MYH11: variants seen among roughly 807,000 people sequenced by gnomAD.
The protein encoded by MYH11 is myosin-11.
In MYH11, 80 loss-of-function variants were observed where a neutral mutation model predicts 246.6. That is an observed-to-expected ratio of 0.32 (90% CI 0.27 to 0.39). The LOEUF (loss-of-function observed/expected upper bound fraction) is 0.39. Among genes scored for constraint, MYH11 ranks in the 10% least tolerant of loss-of-function variants. The pLI, the probability that MYH11 is intolerant of heterozygous loss-of-function variation, is 1.00. For synonymous variants in MYH11, 1,071 were observed against 1,015.5 expected (o/e 1.05, Z -1.04); for missense variants, 2,158 against 2,546.8 (o/e 0.85, Z 3.29).
At chr16:15,715,393 G>C in intron 38 of MYH11, 121 bp from the exon 39 acceptor site, 2 of 836,058 alleles carry the variant, frequency 2.4e-6, no homozygotes, top group East Asian at 2.5e-5. Flanking sequence ...CTCCTCTCAA[G>C]AATCAGTCAG....
intron 15 of MYH11, among the ~76,000 whole-genome samples, chr16:15,752,374 C>T (rs1307831916): frequency 1.3e-5 from 2 of 152,026 alleles, no homozygotes; most frequent in Admixed American, 1.3e-4. Flanking sequence ...CACTGATGGC[C>T]AGGGACAAAC....
At chr16:15,832,215 A>G (rs1255953428) in intron 2 of MYH11, among the ~76,000 whole-genome samples, 1 of 152,152 alleles carries the variant, frequency 6.6e-6, no homozygotes, top group Non-Finnish European at 1.5e-5. Flanking sequence ...GCAGAACCAG[A>G]ACTGGAAAAA....
At chr16:15,733,276 C>G (rs1268894333) in intron 26 of MYH11, among the ~76,000 whole-genome samples, 3 of 152,206 alleles carry the variant, frequency 2.0e-5, no homozygotes, top group Non-Finnish European at 2.9e-5. Flanking sequence ...TCCTGTTGCC[C>G]AGGCTGGAGT....
At chr16:15,823,217 C>T (rs1435081977) in intron 3 of MYH11, 38 bp downstream of exon 3, 1 of 1,613,138 alleles carries the variant, frequency 6.2e-7, no homozygotes, top group Admixed American at 1.7e-5. Context: ...AGGAGGGGCT[C>T]CCTGGAGCTG....
intron 1 of MYH11, among the ~76,000 whole-genome samples, chr16:15,845,325 G>T: frequency 7.1e-6 from 1 of 140,870 alleles, no homozygotes. Context: ...TAGCTCATCA[G>T]CTATCATTAG....
chr16:15,751,738 GAGT>G (rs2041578630), intron 15 of MYH11, among the ~76,000 whole-genome samples: 1 of 148,858 alleles, frequency 6.7e-6, no homozygotes, highest in Non-Finnish European at 1.5e-5. Flanking sequence ...TTAGCCTCCT[GAGT>G]AGCTGGGATT....
chr16:15,743,473 C>T (rs62029315), intron 20 of MYH11, among the ~76,000 whole-genome samples: 43,297 of 152,058 alleles, frequency 0.28, 6,891 homozygotes, highest in East Asian at 0.55. Flanking sequence ...CTGGCTAAGA[C>T]GATTTTCTTA....
At chr16:15,743,577 T>A (rs1567720444) in intron 20 of MYH11, among the ~76,000 whole-genome samples, 1 of 152,220 alleles carries the variant, frequency 6.6e-6, no homozygotes, top group Admixed American at 6.5e-5. Flanking sequence ...ACTCTTTGTT[T>A]TCAAGCCCCT....
intron 3 of MYH11, among the ~76,000 whole-genome samples, chr16:15,804,479 G>A (rs1406342169): frequency 6.6e-6 from 1 of 152,048 alleles, no homozygotes; most frequent in Non-Finnish European, 1.5e-5. Context: ...CTGAGATCGC[G>A]CCACTGCACT....
chr16:15,705,220 G>A (rs2039382149), intron 40 of MYH11, among the ~76,000 whole-genome samples: 1 of 152,136 alleles, frequency 6.6e-6, no homozygotes, highest in Non-Finnish European at 1.5e-5. Flanking sequence ...GGCCTCAAAC[G>A]ATCCACCTGT....
intron 24 of MYH11, 25 bp downstream of exon 24, chr16:15,738,540 A>G: frequency 6.3e-7 from 1 of 1,594,274 alleles, no homozygotes; most frequent in Non-Finnish European, 8.6e-7. Context: ...TAAAATAAAA[A>G]TAAATCTCTT....
At chr16:15,740,264 A>G (rs1402482137) in intron 22 of MYH11, 76 bp from the exon 23 acceptor site, 2 of 1,604,750 alleles carry the variant, frequency 1.2e-6, no homozygotes, top group East Asian at 2.2e-5. Flanking sequence ...GGACTAATGA[A>G]TACAGGGGCT....
chr16:15,758,319 C>T (rs2041783785), intron 12 of MYH11, among the ~76,000 whole-genome samples: 1 of 152,124 alleles, frequency 6.6e-6, no homozygotes. Context: ...GATGTGAAAA[C>T]AGAGGCGCAG....
At chr16:15,742,218 A>C (rs933681718) in intron 20 of MYH11, 5 of 444,664 alleles carry the variant, frequency 1.1e-5, no homozygotes, top group African/African-American at 2.0e-5. Flanking sequence ...TGAAAGGAAA[A>C]AGTCTCATCT....
chr16:15,789,493 TGGA>T (rs2042558843), intron 4 of MYH11, among the ~76,000 whole-genome samples: 1 of 152,148 alleles, frequency 6.6e-6, no homozygotes, highest in Non-Finnish European at 1.5e-5. Flanking sequence ...AGATAGGAAA[TGGA>T]GGAGAAGCAG....
chr16:15,811,560 C>G (rs2043137597), intron 3 of MYH11, among the ~76,000 whole-genome samples: 1 of 152,054 alleles, frequency 6.6e-6, no homozygotes, highest in Non-Finnish European at 1.5e-5. Flanking sequence ...GCAGTGAACC[C>G]AGGTCCTGAC....
At chr16:15,729,372 A>C (rs775477549) in intron 27 of MYH11, among the ~76,000 whole-genome samples, 1 of 152,078 alleles carries the variant, frequency 6.6e-6, no homozygotes, top group Admixed American at 6.5e-5. Context: ...TTGCACCTCT[A>C]CCTGCTTTGT....
At chr16:15,810,906 G>A (rs1191211195) in intron 3 of MYH11, among the ~76,000 whole-genome samples, 2 of 152,212 alleles carry the variant, frequency 1.3e-5, no homozygotes, top group Non-Finnish European at 2.9e-5. Flanking sequence ...ATAGACAGCA[G>A]TGATTCTGAA....
Position 15,708,836 on chromosome 16 carries a change from G to A in MYH11, c.5787-4713C>T, listed in dbSNP as rs765030635. On this transcript the variant is annotated intron_variant, in intron 40 of 40. Transcript: ENST00000300036. ...TCACTGCGAAGTTTCCTGTGGGGGG[G>A]GCCCTCTGAAACAGAGAGAGAATCC... The A allele has an allele frequency of 2.7e-5, 43 of 1,610,066 alleles. No homozygotes were observed. The highest frequency in any genetic ancestry group is 3.3e-5 in the Non-Finnish European group (39 of 1,178,580).
Sources: gnomAD v4.1 joint callset for allele counts (sites outside exome capture counted in the v4.1 genomes callset) on GRCh38, gnomAD v4.1.1 for gene constraint, MANE v1.5 for transcripts, NCBI Gene and HGNC (gene_info 2026-07-23, HGNC 2026-07-21) for gene names.